Variants in BNC1 observed in about 807,000 individuals in gnomAD.
The protein encoded by BNC1 is zinc finger protein basonuclin-1.
BNC1 carries 8 observed loss-of-function variants against 66.5 expected under a neutral mutation model. The observed-to-expected ratio is 0.12, with a 90% CI of 0.07 to 0.22. BNC1 has a LOEUF of 0.22. Among genes scored for constraint, BNC1 ranks in the 10% least tolerant of loss-of-function variants. BNC1 has a pLI of 1.00. For missense variants in BNC1, 1,069 were observed against 1,241.3 expected (o/e 0.86, Z 2.09); for synonymous variants, 454 against 452.6 (o/e 1.00, Z -0.04).
chr15:83,273,944 T>G (rs997538903), intron 1 of BNC1, among the ~76,000 whole-genome samples: 12 of 152,202 alleles, frequency 7.9e-5, no homozygotes, highest in African/African-American at 2.9e-4. Flanking sequence ...TGTTTTCATC[T>G]CTAGTATGTG....
At chr15:83,268,443 C>A (rs1370326785) in intron 1 of BNC1, among the ~76,000 whole-genome samples, 1 of 152,112 alleles carries the variant, frequency 6.6e-6, no homozygotes, top group African/African-American at 2.4e-5. Flanking sequence ...CACAGATATT[C>A]CACATTCAAG....
chr15:83,257,837 T>C lies in BNC1; in HGVS notation c.2590A>G (p.Met864Val), dbSNP rs201066160. Residue 864 changes from methionine to valine, a missense_variant, in exon 5 of 5, where the codon ATG (methionine) becomes GTG (valine). Met to Val is a conservative substitution (Grantham distance 21, BLOSUM62 1). Transcript: ENST00000345382. Reference sequence around the variant, plus strand: ...GAATGGCTGCTACTCTCTGACTTCATGCTCGAGGTAGTGCTCAAATCCAGG... The same window carrying C: ...GAATGGCTGCTACTCTCTGACTTCACGCTCGAGGTAGTGCTCAAATCCAGG... ...TILDLSTTSS[M>V]KSESSSHSSW... 1.7e-5 allele frequency: 27 copies of C among 1,614,186 alleles called. No homozygotes were observed. Among genetic ancestry groups the C allele is most frequent in the East Asian group, 2.2e-5 (1 of 44,872 alleles).
chr15:83,283,096 C>T (rs750410846), intron 1 of BNC1: 13 of 1,530,780 alleles, frequency 8.5e-6, no homozygotes, highest in South Asian at 1.2e-5. Context: ...CACAACTTCA[C>T]TCACACAATT....
chr15:83,265,117 A>G (rs1195512199), intron 3 of BNC1, among the ~76,000 whole-genome samples: 1 of 152,226 alleles, frequency 6.6e-6, no homozygotes, highest in Non-Finnish European at 1.5e-5. Context: ...TTTCAGACCA[A>G]TTGCTTGTCT....
intron 2 of BNC1, 107 bp downstream of exon 2, chr15:83,268,026 G>T: frequency 1.1e-6 from 1 of 904,082 alleles, no homozygotes; most frequent in Non-Finnish European, 1.7e-6. Context: ...TAACTTACTA[G>T]TTTACTAGTT....
chr15:83,281,069 G>A (rs958472648), intron 1 of BNC1, among the ~76,000 whole-genome samples: 2 of 152,184 alleles, frequency 1.3e-5, no homozygotes, highest in East Asian at 1.9e-4. Context: ...TGAGGTTTGA[G>A]AAGGCCCAAA....
chr15:83,274,662 A>C (rs2038302119), intron 1 of BNC1, among the ~76,000 whole-genome samples: 1 of 152,132 alleles, frequency 6.6e-6, no homozygotes, highest in Non-Finnish European at 1.5e-5. Context: ...CAGAAACTTA[A>C]ATTTATGGAA....
intron 1 of BNC1, among the ~76,000 whole-genome samples, chr15:83,270,105 G>A (rs1013928840): frequency 6.6e-6 from 1 of 152,156 alleles, no homozygotes; most frequent in African/African-American, 2.4e-5. Flanking sequence ...ACTGCTAGTG[G>A]GTAGTAGTTG....
intron 4 of BNC1, among the ~76,000 whole-genome samples, chr15:83,261,927 A>G (rs1482924035): frequency 6.6e-6 from 1 of 152,224 alleles, no homozygotes; most frequent in Non-Finnish European, 1.5e-5. Context: ...CATATTATCA[A>G]ATGAAAATGA....
At chr15:83,274,115 T>A (rs991842791) in intron 1 of BNC1, among the ~76,000 whole-genome samples, 2 of 152,146 alleles carry the variant, frequency 1.3e-5, no homozygotes, top group African/African-American at 4.8e-5. Flanking sequence ...CCAGGTGCGG[T>A]GGCTCACGCC....
chr15:83,268,725 T>G (rs2038241522), intron 1 of BNC1, among the ~76,000 whole-genome samples: 1 of 152,230 alleles, frequency 6.6e-6, no homozygotes. Context: ...TTTGAGAACA[T>G]GTAATAGCTG....
chr15:83,282,866 TCA>T (rs536445503), intron 1 of BNC1, among the ~76,000 whole-genome samples: 17 of 152,112 alleles, frequency 1.1e-4, no homozygotes, highest in Non-Finnish European at 2.4e-4. Context: ...TCTCTCTCCC[TCA>T]CACACACACT....
Position 83,257,313 on chromosome 15 carries a change from C to CT in BNC1, c.*128dup. ...CTTTTGCTCATTGTGCTGTGGAAAACTATAAAGTCAAATCAAATACTTTTG... is the reference window on the plus strand; with the variant it reads ...CTTTTGCTCATTGTGCTGTGGAAAACTTATAAAGTCAAATCAAATACTTTTG... On this transcript the variant is annotated 3_prime_UTR_variant, in exon 5 of 5. Coordinates refer to ENST00000345382, the MANE Select transcript of BNC1 (RefSeq NM_001717.4). 2.7e-6 allele frequency: 3 copies of CT among 1,116,630 alleles called. No individual in the cohort carries two copies. Among genetic ancestry groups the CT allele is most frequent in the Non-Finnish European group, 3.8e-6 (3 of 779,444 alleles). 69.2% of individuals were successfully genotyped at this position (1,116,630 alleles called of 1,614,324 possible).
At position 83,265,014 on chromosome 15, in the gene BNC1, T is replaced by C. The variant is rs8032215; in HGVS notation, c.436-199A>G. ...GTGCAGAACATAAGCTGCACAAATA[T>C]TAGCAGTAGTCCTACAATTGGTGCA... On this transcript the variant is annotated intron_variant, in intron 3 of 4. Coordinates refer to ENST00000345382, the MANE Select transcript of BNC1 (RefSeq NM_001717.4). 4.3e-3 allele frequency among the ~76,000 whole-genome samples: 655 copies of C among 152,284 alleles called. 5 individuals carry two copies. Among genetic ancestry groups the C allele is most frequent in the African/African-American group, 0.015 (613 of 41,564 alleles).
intron 3 of BNC1, among the ~76,000 whole-genome samples, chr15:83,265,200 T>C (rs1394352052): frequency 1.3e-5 from 2 of 152,194 alleles, no homozygotes; most frequent in Admixed American, 1.3e-4. Flanking sequence ...CTTCTTTATC[T>C]AAAGAGAATA....
chr15:83,257,567 G>A lies in BNC1; in HGVS notation c.2860C>T (p.Gln954Ter). The A allele has an allele frequency of 1.2e-6, 2 of 1,614,114 alleles. No individual in the cohort carries two copies. Among genetic ancestry groups the A allele is most frequent in the Non-Finnish European group, 1.7e-6 (2 of 1,180,014 alleles). The change falls in exon 5 of 5, where the codon CAG becomes TAG. Residue 954 changes from glutamine (Q) to a stop codon, truncating the protein, a stop_gained. Transcript: ENST00000345382. LOFTEE classifies it high-confidence loss of function. ...CCTGGTACTTTGCATTTGTGGAGCT[G>A]CCGGAGGTGCACAGTTTTGTAGTGG... ...RAHYKTVHLR[Q>*]LHKCKVPGCN...
chr15:83,283,097 T>G, intron 1 of BNC1: 1 of 1,387,758 alleles, frequency 7.2e-7, no homozygotes, highest in Non-Finnish European at 9.8e-7. Context: ...ACAACTTCAC[T>G]CACACAATTA....
Position 83,257,306 on chromosome 15 carries a change from T to TG in BNC1, c.*135dup. ...GGTTTGTCTTTTGCTCATTGTGCTGTGGAAAACTATAAAGTCAAATCAAAT... is the reference window on the plus strand; with the variant it reads ...GGTTTGTCTTTTGCTCATTGTGCTGTGGGAAAACTATAAAGTCAAATCAAAT... On this transcript the variant is annotated 3_prime_UTR_variant, in exon 5 of 5. Coordinates refer to ENST00000345382, the MANE Select transcript of BNC1 (RefSeq NM_001717.4). The TG allele has an allele frequency of 4.8e-6, 5 of 1,041,334 alleles. No individual in the cohort carries two copies. Among genetic ancestry groups the TG allele is most frequent in the Non-Finnish European group, 7.0e-6 (5 of 715,966 alleles). 64.5% of individuals were successfully genotyped at this position (1,041,334 alleles called of 1,614,324 possible).
intron 3 of BNC1, among the ~76,000 whole-genome samples, chr15:83,266,186 A>G (rs2038215695): frequency 6.9e-6 from 1 of 144,038 alleles, no homozygotes; most frequent in Non-Finnish European, 1.5e-5. Flanking sequence ...GAGGACAGAG[A>G]GGATGAAGGG....
Sources: allele counts gnomAD v4.1 joint callset (sites outside exome capture counted in the v4.1 genomes callset), GRCh38; gene constraint gnomAD v4.1.1; transcripts MANE v1.5; gene names NCBI Gene and HGNC (gene_info 2026-07-23, HGNC 2026-07-21).